The following TSPAN9 variants were observed in gnomAD, a reference collection of about 807,000 sequenced individuals.
The protein encoded by TSPAN9 is tetraspanin-9.
Under a neutral mutation model 31.0 loss-of-function variants are expected in TSPAN9, and 16 were observed. That is an observed-to-expected ratio of 0.52 (90% CI 0.35 to 0.78). The LOEUF (loss-of-function observed/expected upper bound fraction) is 0.78, where lower values mean the gene tolerates loss of function less well. Ranked by LOEUF, TSPAN9 falls within the 30% of genes least tolerant of loss-of-function variation. TSPAN9 has a pLI of 0.01. For missense variants in TSPAN9, 272 were observed against 312.5 expected, an observed-to-expected ratio of 0.87 and a Z score of 0.98; for synonymous variants, 145 against 121.6, an observed-to-expected ratio of 1.19 and a Z score of -1.27.
chr12:3,113,022 TA>T (rs1037778347), intron 2 of TSPAN9, among the ~76,000 whole-genome samples: 3 of 152,184 alleles, frequency 2.0e-5, no homozygotes, highest in Admixed American at 2.0e-4. Flanking sequence ...TCTTAACTTC[TA>T]TATTGACCCA....
intron 3 of TSPAN9, among the ~76,000 whole-genome samples, chr12:3,219,378 C>G (rs1289573090): frequency 6.6e-6 from 1 of 152,206 alleles, no homozygotes; most frequent in Non-Finnish European, 1.5e-5. Context: ...ATTATCCTAT[C>G]TCTGTTGAGT....
rs575161073 is a variant in TSPAN9, at chr12:3,186,616, T to C, written c.-17-14561T>C. On this transcript the variant is annotated intron_variant, in intron 2 of 8. Transcript: ENST00000011898. ...CTTCTAAGAACTTTGTCTTTTTCTT[T>C]GAGAGACATGAGAAGGCATTAGGGG... Among the ~76,000 whole-genome samples, 11 of 152,026 alleles carry C rather than the reference T, an allele frequency of 7.2e-5. No homozygotes were observed. The East Asian group carries it at 2.1e-3, about 29-fold the overall frequency.
chr12:3,269,924 C>T (rs910778474), intron 3 of TSPAN9, among the ~76,000 whole-genome samples: 3 of 152,248 alleles, frequency 2.0e-5, no homozygotes, highest in Admixed American at 6.5e-5. Flanking sequence ...ACAGCCTGTC[C>T]TGGTAGGGCT....
intron 3 of TSPAN9, among the ~76,000 whole-genome samples, chr12:3,219,903 C>T (rs1297933463): frequency 1.3e-5 from 2 of 150,674 alleles, no homozygotes; most frequent in Non-Finnish European, 2.9e-5. Context: ...GCCGGTAATC[C>T]CAGCACTTTG....
intron 2 of TSPAN9, among the ~76,000 whole-genome samples, chr12:3,089,533 G>A (rs907643832): frequency 6.6e-6 from 1 of 151,886 alleles, no homozygotes; most frequent in Non-Finnish European, 1.5e-5. Context: ...CTGACCTCGT[G>A]ATCCGCCCTC....
chr12:3,224,063 G>A (rs1240173784), intron 3 of TSPAN9, among the ~76,000 whole-genome samples: 5 of 149,492 alleles, frequency 3.3e-5, no homozygotes, highest in Admixed American at 6.7e-5. Context: ...GCTTCTTTAG[G>A]TAGGACTCAT....
intron 3 of TSPAN9, among the ~76,000 whole-genome samples, chr12:3,276,890 C>T (rs1265702745): frequency 1.3e-5 from 2 of 152,182 alleles, no homozygotes; most frequent in Non-Finnish European, 2.9e-5. Context: ...TCTGTCCCCT[C>T]CCCTCACCTT....
At chr12:3,122,451 T>A (rs1311826517) in intron 2 of TSPAN9, among the ~76,000 whole-genome samples, 1 of 151,992 alleles carries the variant, frequency 6.6e-6, no homozygotes, top group African/African-American at 2.4e-5. Flanking sequence ...CTTGGCAAAT[T>A]AAAATTTTTT....
chr12:3,278,213 G>A (rs894665475), intron 3 of TSPAN9, among the ~76,000 whole-genome samples: 2 of 152,204 alleles, frequency 1.3e-5, no homozygotes, highest in Non-Finnish European at 2.9e-5. Flanking sequence ...GTCACATGGG[G>A]AGACTGAGGC....
rs1591658123 is a variant in TSPAN9 at position 3,170,207 on chromosome 12, A to G, written c.-17-30970A>G. 1.3e-5 allele frequency among the ~76,000 whole-genome samples: 2 copies of G among 151,952 alleles called. No homozygotes were observed. Among genetic ancestry groups the G allele is most frequent in the East Asian group, 3.9e-4 (2 of 5,158 alleles). On this transcript the variant is annotated intron_variant, in intron 2 of 8. Transcript: ENST00000011898. This position sits in a 1 kb window ranked among gnomAD's most constrained non-coding sequence, Gnocchi z 4.4. ...CTCAATAAATGTCACTTACATCTGA[A>G]TTTCTCTCCCATCCATCTCGTTTAT...
In TSPAN9 at chr12:3,168,763, T is replaced by C. The variant is rs1277578553; in HGVS notation, c.-17-32414T>C. Reference sequence around the variant, plus strand: ...TGTCTCTCTGGGAAGCTGAGGCCACTCTCCGCCCCCTCTCTTTTCTGTGTC... The same window carrying C: ...TGTCTCTCTGGGAAGCTGAGGCCACCCTCCGCCCCCTCTCTTTTCTGTGTC... On this transcript the variant is annotated intron_variant, in intron 2 of 8. Transcript: ENST00000011898. The surrounding 1 kb of genome is among the most constrained non-coding windows in gnomAD (Gnocchi z 4.0). Among the ~76,000 whole-genome samples the C allele has an allele frequency of 6.6e-6, 1 of 152,126 alleles. No individual in the cohort carries two copies. The highest frequency in any genetic ancestry group is 1.5e-5 in the Non-Finnish European group (1 of 68,018).
intron 3 of TSPAN9, among the ~76,000 whole-genome samples, chr12:3,274,049 C>CG (rs973792463): frequency 4.4e-4 from 67 of 152,102 alleles, no homozygotes; most frequent in African/African-American, 1.6e-3. Flanking sequence ...GGGTAGGGGG[C>CG]GGGGTTTCTC....
chr12:3,280,236 A>ACTCCTCATCT lies in TSPAN9; in HGVS notation c.331-146_331-145insCTCCTCATCT. 1.5e-6 allele frequency: 1 copy of ACTCCTCATCT among 683,444 alleles called. No individual in the cohort carries two copies. The allele number at this position is 683,444 out of a possible 1,614,324, so 42.3% of individuals were successfully genotyped here. On this transcript the variant is annotated intron_variant, in intron 5 of 8. Coordinates refer to ENST00000011898, the MANE Select transcript of TSPAN9 (RefSeq NM_006675.5). This position sits in a 1 kb window ranked among gnomAD's most constrained non-coding sequence, Gnocchi z 4.5. ...TTGGGCCAGCAGAGGCCCCCACCCC[A>ACTCCTCATCT]GTGGGCAGGGCCTTCCAGACCAGCT...
chr12:3,213,034 A>G (rs1565616142), intron 3 of TSPAN9, among the ~76,000 whole-genome samples: 1 of 152,156 alleles, frequency 6.6e-6, no homozygotes, highest in Non-Finnish European at 1.5e-5. Context: ...GAAAGGGGCT[A>G]ATGCAAAGGG....
intron 3 of TSPAN9, among the ~76,000 whole-genome samples, chr12:3,217,098 T>C (rs1399102026): frequency 6.6e-6 from 1 of 152,224 alleles, no homozygotes; most frequent in Non-Finnish European, 1.5e-5. Context: ...TTTTTCCTCA[T>C]CGTTCCCTTT....
intron 2 of TSPAN9, among the ~76,000 whole-genome samples, chr12:3,161,151 G>A (rs1480605552): frequency 6.6e-6 from 1 of 152,132 alleles, no homozygotes; most frequent in African/African-American, 2.4e-5. Context: ...AACCTGGGAG[G>A]CAGAGGTTGG....
intron 3 of TSPAN9, among the ~76,000 whole-genome samples, chr12:3,210,404 A>G (rs2098378025): frequency 6.6e-6 from 1 of 152,308 alleles, no homozygotes; most frequent in African/African-American, 2.4e-5. Flanking sequence ...TTTAATTTGC[A>G]TTTCTTTGAT....
chr12:3,259,421 A>C (rs1476857267), intron 3 of TSPAN9, among the ~76,000 whole-genome samples: 1 of 152,032 alleles, frequency 6.6e-6, no homozygotes, highest in African/African-American at 2.4e-5. Context: ...CCCTCCCTCC[A>C]TCCCTCCTTC....
chr12:3,241,337 G>A (rs2098396457), intron 3 of TSPAN9, among the ~76,000 whole-genome samples: 1 of 152,140 alleles, frequency 6.6e-6, no homozygotes, highest in Non-Finnish European at 1.5e-5. Flanking sequence ...CTGTGGCGTG[G>A]CATTTATATA....
Sources: allele counts gnomAD v4.1 joint callset (sites outside exome capture counted in the v4.1 genomes callset), GRCh38; gene constraint gnomAD v4.1.1; non-coding constraint Gnocchi (gnomAD v3.1); transcripts MANE v1.5; gene names NCBI Gene and HGNC (gene_info 2026-07-23, HGNC 2026-07-21).